Variants in NUP210 observed in about 807,000 individuals in gnomAD.
The protein encoded by NUP210 is nuclear pore membrane glycoprotein 210.
Under a neutral mutation model 196.0 loss-of-function variants are expected in NUP210, and 151 were observed. That is an observed-to-expected ratio of 0.77 (90% CI 0.67 to 0.88). The LOEUF (loss-of-function observed/expected upper bound fraction) is 0.88, where lower values mean the gene tolerates loss of function less well. Ranked by LOEUF, NUP210 falls within the 40% of genes least tolerant of loss-of-function variation. NUP210 has a pLI of 0.00. For synonymous variants in NUP210, 1,070 were observed against 1,052.7 expected (o/e 1.02, Z -0.32); for missense variants, 2,314 against 2,493.7 (o/e 0.93, Z 1.53).
chr3:13,412,868 G>A (rs953922400), intron 1 of NUP210, among the ~76,000 whole-genome samples: 12 of 151,862 alleles, frequency 7.9e-5, no homozygotes, highest in African/African-American at 2.9e-4. Context: ...CTACTTAGGA[G>A]GCTGAGGCAG....
At position 13,332,151 on chromosome 3, in the gene NUP210, G is replaced by T. The variant is rs112351816; in HGVS notation, c.3935+142C>A. On this transcript the variant is annotated intron_variant, in intron 29 of 39. Transcript: ENST00000254508. ...AGCACCACAGAGAAGAGAAGGAGCAGGCAGAGGCCTCACCCATTCCAAGCA... is the reference window on the plus strand; with the variant it reads ...AGCACCACAGAGAAGAGAAGGAGCATGCAGAGGCCTCACCCATTCCAAGCA... 8.4e-4 allele frequency: 550 copies of T among 657,034 alleles called. 2 individuals carry two copies. The highest frequency in any genetic ancestry group is 7.6e-3 in the African/African-American group (431 of 56,514). The allele number at this position is 657,034 out of a possible 1,614,324, so 40.7% of individuals were successfully genotyped here.
At chr3:13,380,917 G>A (rs1042981249) in intron 6 of NUP210, among the ~76,000 whole-genome samples, 8 of 152,204 alleles carry the variant, frequency 5.3e-5, no homozygotes, top group African/African-American at 1.7e-4. Context: ...TCCCCAAAGT[G>A]TGGTCCCTGA....
At position 13,353,556 on chromosome 3, in the gene NUP210, G is replaced by A. The variant is rs752399283; in HGVS notation, c.2626C>T (p.Pro876Ser). Residue 876 changes from proline to serine, a missense_variant and splice_region_variant, in exon 18 of 40, where the codon CCG becomes TCG. Coordinates refer to ENST00000254508, the MANE Select transcript of NUP210 (RefSeq NM_024923.4). ...CACCACTGGGCCCTGGGAGATACCGGCTGCTTTGTTCTGGCAGAGCTGAGG... is the reference window on the plus strand; with the variant it reads ...CACCACTGGGCCCTGGGAGATACCGACTGCTTTGTTCTGGCAGAGCTGAGG... ...SHLSSARTKQ[P>S]HDPLVPLSAS... is the part of the protein sequence containing the mutation. 6.2e-6 allele frequency: 10 copies of A among 1,613,244 alleles called. No individual in the cohort carries two copies. The highest frequency in any genetic ancestry group is 7.6e-6 in the Non-Finnish European group (9 of 1,179,404).
chr3:13,379,102 A>G lies in NUP210; in HGVS notation c.977-122T>C. 1.2e-6 allele frequency: 1 copy of G among 857,974 alleles called. No homozygotes were observed. The highest frequency in any genetic ancestry group is 2.2e-4 in the Middle Eastern group (1 of 4,638). The allele number at this position is 857,974 out of a possible 1,614,324, so 53.1% of individuals were successfully genotyped here. On this transcript the variant is annotated intron_variant, in intron 7 of 39. Transcript: ENST00000254508. This position sits in a 1 kb window ranked among gnomAD's most constrained non-coding sequence, Gnocchi z 4.2. ...ACATGGAGAGAAGAAGAGGGGATGA[A>G]AACTCCCCTGGCTTAGGCCACGTAG...
At position 13,382,238 on chromosome 3, in the gene NUP210, C is replaced by A. The variant is rs995978697; in HGVS notation, c.818-2517G>T. ...AACTTGATCACAGTGGCAGTCATGTCTGCAACCAATCCAAACACCAACAGG... is the reference window on the plus strand; with the variant it reads ...AACTTGATCACAGTGGCAGTCATGTATGCAACCAATCCAAACACCAACAGG... On this transcript the variant is annotated intron_variant, in intron 6 of 39. Coordinates refer to ENST00000254508, the MANE Select transcript of NUP210 (RefSeq NM_024923.4). Among the ~76,000 whole-genome samples, 4 of 152,226 alleles carry A rather than the reference C, an allele frequency of 2.6e-5. No individual in the cohort carries two copies. The South Asian group carries it at 6.2e-4, about 24-fold the overall frequency.
intron 1 of NUP210, among the ~76,000 whole-genome samples, chr3:13,407,291 T>A (rs1326562548): frequency 6.6e-6 from 1 of 152,180 alleles, no homozygotes; most frequent in Admixed American, 6.5e-5. Flanking sequence ...GGCTTGTGCC[T>A]ATAGTTCCAA....
chr3:13,410,306 G>A (rs181976085), intron 1 of NUP210, among the ~76,000 whole-genome samples: 4 of 152,006 alleles, frequency 2.6e-5, no homozygotes, highest in Admixed American at 1.3e-4. Flanking sequence ...TCAGCCTCCC[G>A]AGGAGCTAGG....
rs769032374 is a variant in NUP210, at chr3:13,378,892, C to T, written c.1045+20G>A. ...CACAACTGAGCAGCATCCATGAGGG[C>T]CCAGGAGGCCCACACTCACCTAGGT... On this transcript the variant is annotated intron_variant, in intron 8 of 39. Transcript: ENST00000254508. The T allele has an allele frequency of 2.5e-6, 4 of 1,587,688 alleles. No individual in the cohort carries two copies. The highest frequency in any genetic ancestry group is 4.5e-5 in the East Asian group (2 of 44,750).
intron 6 of NUP210, among the ~76,000 whole-genome samples, chr3:13,381,922 A>G (rs1019223184): frequency 6.6e-6 from 1 of 151,966 alleles, no homozygotes; most frequent in Non-Finnish European, 1.5e-5. Context: ...GCTGGGTCTG[A>G]GTCAAGGATG....
At chr3:13,318,924 C>G in intron 39 of NUP210, 148 bp downstream of exon 39, 1 of 721,098 alleles carries the variant, frequency 1.4e-6, no homozygotes, top group South Asian at 2.1e-5. Flanking sequence ...ACCCTCCTGG[C>G]TCCCACATCT....
At chr3:13,395,806 G>A (rs1699633460) in intron 3 of NUP210, among the ~76,000 whole-genome samples, 1 of 152,190 alleles carries the variant, frequency 6.6e-6, no homozygotes, top group African/African-American at 2.4e-5. Context: ...AATTGCCGGG[G>A]CACAGGATAA....
At chr3:13,371,580 T>A (rs1698731905) in intron 13 of NUP210, among the ~76,000 whole-genome samples, 1 of 152,228 alleles carries the variant, frequency 6.6e-6, no homozygotes, top group Non-Finnish European at 1.5e-5. Context: ...TGTGATTCTA[T>A]GTAGATGACA....
chr3:13,350,061 T>C lies in NUP210; in HGVS notation c.2835+1818A>G, dbSNP rs1173714908. On this transcript the variant is annotated intron_variant, in intron 20 of 39. Transcript: ENST00000254508. This position sits in a 1 kb window ranked among gnomAD's most constrained non-coding sequence, Gnocchi z 4.1. ...TGCAGCTCAACAGTTGAGTGGTCAG[T>C]GAAAGACAGCCAAAAAAAGCCCTGC... Among the ~76,000 whole-genome samples the C allele has an allele frequency of 1.3e-5, 2 of 152,118 alleles. No homozygotes were observed. Among genetic ancestry groups the C allele is most frequent in the Non-Finnish European group, 2.9e-5 (2 of 68,018 alleles).
At chr3:13,376,257 G>C in intron 10 of NUP210, 34 bp downstream of exon 10, 1 of 1,611,092 alleles carries the variant, frequency 6.2e-7, no homozygotes, top group East Asian at 2.2e-5. Flanking sequence ...GGCTTCATAG[G>C]ACAAGGCACG....
intron 1 of NUP210, among the ~76,000 whole-genome samples, chr3:13,404,964 G>A (rs529261682): frequency 3.9e-5 from 6 of 152,328 alleles, no homozygotes; most frequent in African/African-American, 1.4e-4. Context: ...TGCAGGAGGA[G>A]ATAAGAGAGG....
At chr3:13,360,094 C>T (rs1213293322) in intron 15 of NUP210, among the ~76,000 whole-genome samples, 176 bp downstream of exon 15, 1 of 152,224 alleles carries the variant, frequency 6.6e-6, no homozygotes, top group African/African-American at 2.4e-5. Context: ...ACCTGCCTGG[C>T]GTTCATTGAG....
At position 13,386,424 on chromosome 3, in the gene NUP210, G is replaced by A; in HGVS notation, c.685-17C>T. ...GCGTACATTCTTGGCATAAAGAAAA[G>A]GCAGACAAAGTGAGGTGCGGACAGG... is the stretch of plus-strand genomic sequence containing the variant. On this transcript the variant is annotated splice_polypyrimidine_tract_variant and intron_variant, in intron 5 of 39. Transcript: ENST00000254508. The A allele has an allele frequency of 6.2e-7, 1 of 1,613,786 alleles. No homozygotes were observed. Among genetic ancestry groups the A allele is most frequent in the Non-Finnish European group, 8.5e-7 (1 of 1,179,904 alleles).
chr3:13,359,119 A>G (rs771159255), intron 15 of NUP210, among the ~76,000 whole-genome samples: 3 of 152,110 alleles, frequency 2.0e-5, no homozygotes, highest in African/African-American at 4.8e-5. Context: ...TCCTGACCAT[A>G]AGGCAGGACC....
intron 1 of NUP210, among the ~76,000 whole-genome samples, chr3:13,407,390 C>T (rs1459401288): frequency 6.6e-6 from 1 of 152,262 alleles, no homozygotes; most frequent in South Asian, 2.1e-4. Context: ...TGAAGCCTGA[C>T]CCTAAAGCCC....
Sources: allele counts gnomAD v4.1 joint callset (sites outside exome capture counted in the v4.1 genomes callset), GRCh38; gene constraint gnomAD v4.1.1; non-coding constraint Gnocchi (gnomAD v3.1); transcripts MANE v1.5; gene names NCBI Gene and HGNC (gene_info 2026-07-23, HGNC 2026-07-21).